Variants in ZNF804A observed in about 807,000 individuals in gnomAD.
ZNF804A encodes the protein zinc finger protein 804A.
Under a neutral mutation model 16.5 loss-of-function variants are expected in ZNF804A, and 2 were observed. The observed-to-expected ratio is 0.12, with a 90% CI of 0.05 to 0.38. The LOEUF is 0.38. Among genes scored for constraint, ZNF804A ranks in the 10% least tolerant of loss-of-function variants. The probability of loss-of-function intolerance (pLI) is 0.99; values close to 1 mark genes in which losing one functional copy is unlikely to be tolerated. For missense variants in ZNF804A, 1,473 were observed against 1,390.7 expected (o/e 1.06, Z -0.94); for synonymous variants, 534 against 489.6 (o/e 1.09, Z -1.20).
chr2:184,697,853 C>G (rs1692857242), intron 1 of ZNF804A, among the ~76,000 whole-genome samples: 1 of 152,010 alleles, frequency 6.6e-6, no homozygotes. Flanking sequence ...TTTAAACTAT[C>G]CTCAGTGAAG....
At chr2:184,880,184 T>G (rs1684786823) in intron 2 of ZNF804A, among the ~76,000 whole-genome samples, 1 of 152,048 alleles carries the variant, frequency 6.6e-6, no homozygotes, top group African/African-American at 2.4e-5. Context: ...CTACCCCAGA[T>G]TTGTCACTGT....
chr2:184,743,309 CTA>C (rs1406250257), intron 1 of ZNF804A, among the ~76,000 whole-genome samples: 2 of 151,988 alleles, frequency 1.3e-5, no homozygotes, highest in African/African-American at 4.8e-5. Context: ...TACATCAACT[CTA>C]TTTCAAGAAT....
intron 2 of ZNF804A, chr2:184,902,579 G>C (rs904029057): frequency 3.9e-5 from 6 of 152,112 alleles, no homozygotes; most frequent in African/African-American, 1.4e-4. Context: ...TTAGTGAAAA[G>C]GGTACTATTA....
intron 1 of ZNF804A, among the ~76,000 whole-genome samples, chr2:184,630,863 TTA>T (rs1491266034): frequency 3.9e-5 from 6 of 152,042 alleles, no homozygotes; most frequent in African/African-American, 1.4e-4. Context: ...ATCTGTCATT[TTA>T]AAAAAAAATA....
chr2:184,814,940 A>G (rs1406443826), intron 1 of ZNF804A, among the ~76,000 whole-genome samples: 1 of 151,986 alleles, frequency 6.6e-6, no homozygotes, highest in Non-Finnish European at 1.5e-5. Flanking sequence ...TCTACATCAC[A>G]TTGTTGCTAT....
chr2:184,893,867 T>C (rs1685023720), intron 2 of ZNF804A, among the ~76,000 whole-genome samples: 1 of 152,086 alleles, frequency 6.6e-6, no homozygotes. Flanking sequence ...CCTGGAGCAG[T>C]GTCTAATTGA....
chr2:184,700,342 C>T (rs1457010162), intron 1 of ZNF804A, among the ~76,000 whole-genome samples: 1 of 151,968 alleles, frequency 6.6e-6, no homozygotes, highest in Non-Finnish European at 1.5e-5. Context: ...ATACTGTTTA[C>T]TGAAAAATAT....
intron 1 of ZNF804A, among the ~76,000 whole-genome samples, chr2:184,820,735 A>T (rs1251480298): frequency 1.3e-5 from 2 of 151,968 alleles, no homozygotes; most frequent in Admixed American, 1.3e-4. Flanking sequence ...GATACAAAAT[A>T]AATGTGCAAA....
At chr2:184,672,670 CT>C (rs568933187) in intron 1 of ZNF804A, among the ~76,000 whole-genome samples, 146 of 146,430 alleles carry the variant, frequency 1.0e-3, no homozygotes, top group Admixed American at 1.4e-3. Context: ...ACAAGAATGA[CT>C]TTTTTTTTTT....
intron 1 of ZNF804A, among the ~76,000 whole-genome samples, chr2:184,722,128 C>T (rs543697965): frequency 6.6e-6 from 1 of 151,848 alleles, no homozygotes; most frequent in Non-Finnish European, 1.5e-5. Flanking sequence ...GATGAAGAAA[C>T]ATCATTTTGA....
chr2:184,758,445 A>G (rs1315613285), intron 1 of ZNF804A, among the ~76,000 whole-genome samples: 2 of 151,950 alleles, frequency 1.3e-5, no homozygotes, highest in African/African-American at 4.8e-5. Flanking sequence ...TATAAAGTAG[A>G]TACTATAATT....
At chr2:184,794,240 T>A (rs1047158793) in intron 1 of ZNF804A, among the ~76,000 whole-genome samples, 4 of 152,086 alleles carry the variant, frequency 2.6e-5, no homozygotes, top group Non-Finnish European at 5.9e-5. Context: ...TCTAAATTTT[T>A]AATTTTTTTT....
intron 2 of ZNF804A, among the ~76,000 whole-genome samples, chr2:184,933,165 AG>A (rs1291361774): frequency 5.3e-5 from 8 of 151,482 alleles, no homozygotes; most frequent in Admixed American, 5.3e-4. Flanking sequence ...ACACACACAC[AG>A]ACACAAAGGA....
At chr2:184,732,076 T>C (rs1401950079) in intron 1 of ZNF804A, among the ~76,000 whole-genome samples, 1 of 152,158 alleles carries the variant, frequency 6.6e-6, no homozygotes, top group Admixed American at 6.5e-5. Flanking sequence ...GCTTATCAGT[T>C]CTTTCCTTTG....
At chr2:184,613,173 A>G (rs1338013423) in intron 1 of ZNF804A, among the ~76,000 whole-genome samples, 1 of 152,182 alleles carries the variant, frequency 6.6e-6, no homozygotes, top group African/African-American at 2.4e-5. Context: ...TTCTCTTAGA[A>G]CCCTTCATAA....
At chr2:184,610,065 G>A (rs1248930586) in intron 1 of ZNF804A, among the ~76,000 whole-genome samples, 1 of 152,062 alleles carries the variant, frequency 6.6e-6, no homozygotes. Flanking sequence ...TAGATTAATG[G>A]TCTATCTAGG....
intron 2 of ZNF804A, among the ~76,000 whole-genome samples, chr2:184,909,580 G>T (rs1480581437): frequency 6.6e-6 from 1 of 151,808 alleles, no homozygotes; most frequent in Non-Finnish European, 1.5e-5. Flanking sequence ...AATGTTCATG[G>T]TATTTATTCC....
chr2:184,621,303 A>G (rs1691414890), intron 1 of ZNF804A, among the ~76,000 whole-genome samples: 5 of 151,720 alleles, frequency 3.3e-5, no homozygotes, highest in Non-Finnish European at 4.4e-5. Flanking sequence ...TACACTATAC[A>G]TTTGCATGTT....
At chr2:184,793,051 T>C (rs1694574149) in intron 1 of ZNF804A, among the ~76,000 whole-genome samples, 1 of 152,156 alleles carries the variant, frequency 6.6e-6, no homozygotes, top group South Asian at 2.1e-4. Flanking sequence ...TGCATTAATT[T>C]CTTAGGATTG....
Sources: gnomAD v4.1 joint callset for allele counts (sites outside exome capture counted in the v4.1 genomes callset) on GRCh38, gnomAD v4.1.1 for gene constraint, MANE v1.5 for transcripts, NCBI Gene and HGNC (gene_info 2026-07-23, HGNC 2026-07-21) for gene names.